The following NUCKS1 variants were observed in gnomAD, a reference collection of about 807,000 sequenced individuals.
NUCKS1 encodes the protein nuclear ubiquitous casein and cyclin-dependent kinase substrate 1.
A neutral mutation model predicts 33.0 loss-of-function variants in NUCKS1; 2 were observed. That is an observed-to-expected ratio of 0.06 (90% confidence interval 0.02 to 0.19). NUCKS1 has a LOEUF of 0.19. Among genes scored for constraint, NUCKS1 ranks in the 10% least tolerant of loss-of-function variants. The pLI, the probability that NUCKS1 is intolerant of heterozygous loss-of-function variation, is 1.00. For missense variants in NUCKS1, 201 were observed against 293.6 expected (o/e 0.68, Z 2.31); for synonymous variants, 106 against 102.8 (o/e 1.03, Z -0.19).
intron 2 of NUCKS1, among the ~76,000 whole-genome samples, chr1:205,728,884 C>T (rs902774386): frequency 6.6e-6 from 1 of 152,108 alleles, no homozygotes; most frequent in Non-Finnish European, 1.5e-5. Context: ...ATACAAGGCA[C>T]AAGTTTTATT....
At chr1:205,719,725 C>G (rs963600045) in intron 5 of NUCKS1, 49 bp from the exon 6 acceptor site, 1 of 1,572,040 alleles carries the variant, frequency 6.4e-7, no homozygotes, top group South Asian at 1.2e-5. Context: ...ACACATCCTT[C>G]CAAGTAAAAA....
chr1:205,715,661 T>C lies in NUCKS1; in HGVS notation c.*2619A>G, dbSNP rs1671809372. 6.6e-6 allele frequency: 1 copy of C among 152,210 alleles called. No homozygotes were observed. 9.4% of individuals were successfully genotyped at this position (152,210 alleles called of 1,614,324 possible). A position where few individuals can be genotyped will look rare whatever the true frequency, so the allele number is the denominator to read the frequency against. On this transcript the variant is annotated 3_prime_UTR_variant, in exon 7 of 7. Transcript: ENST00000367142. ...GTCAGCATAGCTGCTGAAATCTACG[T>C]TGTAGAGGTAAACCTAGCAGAGCTA...
At chr1:205,742,804 G>A (rs773525594) in intron 1 of NUCKS1, among the ~76,000 whole-genome samples, 4 of 152,092 alleles carry the variant, frequency 2.6e-5, no homozygotes, top group East Asian at 3.9e-4. Flanking sequence ...CAGCCTGGAG[G>A]ACAGAGCGAG....
chr1:205,744,102 A>C (rs1654250397), intron 1 of NUCKS1, among the ~76,000 whole-genome samples: 1 of 152,108 alleles, frequency 6.6e-6, no homozygotes, highest in Admixed American at 6.6e-5. Context: ...CTTCCTCCCT[A>C]GAAAATTAGG....
intron 4 of NUCKS1, among the ~76,000 whole-genome samples, chr1:205,721,929 C>T (rs1671925352): frequency 6.6e-6 from 1 of 152,100 alleles, no homozygotes; most frequent in South Asian, 2.1e-4. Flanking sequence ...CCTCCTTGGC[C>T]TCCCAAAGTG....
intron 1 of NUCKS1, among the ~76,000 whole-genome samples, chr1:205,745,741 C>CCAGA: frequency 6.6e-6 from 1 of 152,192 alleles, no homozygotes; most frequent in South Asian, 2.1e-4. Flanking sequence ...CTTAGCTCTG[C>CCAGA]TATCATAGCT....
At position 205,718,231 on chromosome 1, in the gene NUCKS1, T is replaced by C. The variant is rs1671861585; in HGVS notation, c.*49A>G. The C allele has an allele frequency of 1.2e-6, 1 of 850,460 alleles. No homozygotes were observed. Among genetic ancestry groups the C allele is most frequent in the Middle Eastern group, 3.1e-4 (1 of 3,242 alleles). 52.7% of individuals were successfully genotyped at this position (850,460 alleles called of 1,614,324 possible). On this transcript the variant is annotated 3_prime_UTR_variant, in exon 7 of 7. Transcript: ENST00000367142. ...TTTTTTTCCTCCCTCTTTTTTCTTTTTTTTTCTTTTTTTTTTTAATAAAAT... is the reference window on the plus strand; with the variant it reads ...TTTTTTTCCTCCCTCTTTTTTCTTTCTTTTTCTTTTTTTTTTTAATAAAAT...
intron 4 of NUCKS1, among the ~76,000 whole-genome samples, chr1:205,722,654 A>G (rs1280441841): frequency 1.3e-5 from 2 of 152,214 alleles, no homozygotes; most frequent in Non-Finnish European, 2.9e-5. Flanking sequence ...TGGCCTCCCA[A>G]AGTGCTGGGA....
At chr1:205,736,775 G>A (rs1182008249) in intron 1 of NUCKS1, among the ~76,000 whole-genome samples, 1 of 151,306 alleles carries the variant, frequency 6.6e-6, no homozygotes, top group Non-Finnish European at 1.5e-5. Flanking sequence ...AGTTTGCAGT[G>A]AGCCGAGATC....
chr1:205,741,330 G>GA (rs1215709415), intron 1 of NUCKS1, among the ~76,000 whole-genome samples: 8 of 143,256 alleles, frequency 5.6e-5, no homozygotes, highest in Admixed American at 2.1e-4. Context: ...GAAAAGAAAA[G>GA]AAAGAAAAAG....
chr1:205,719,517 C>T lies in NUCKS1; in HGVS notation c.532+10G>A, dbSNP rs1202809934. Reference sequence around the variant, plus strand: ...AGCAGTAAATTTAATTTCACTTCTGCAGAAATTACCTGTAGCCTTTAGTCT... The same window carrying T: ...AGCAGTAAATTTAATTTCACTTCTGTAGAAATTACCTGTAGCCTTTAGTCT... On this transcript the variant is annotated intron_variant, in intron 6 of 6. Transcript: ENST00000367142. 7.0e-6 allele frequency: 11 copies of T among 1,577,004 alleles called. No homozygotes were observed. The highest frequency in any genetic ancestry group is 9.4e-6 in the Non-Finnish European group (11 of 1,169,194).
intron 2 of NUCKS1, among the ~76,000 whole-genome samples, chr1:205,728,326 A>C (rs1653826464): frequency 2.7e-5 from 4 of 149,924 alleles, no homozygotes; most frequent in Admixed American, 2.0e-4. Context: ...ACACACACAC[A>C]TGCACACACA....
Position 205,728,620 on chromosome 1 carries a change from A to C in NUCKS1, c.68-815T>G, listed in dbSNP as rs182001689. On this transcript the variant is annotated intron_variant, in intron 2 of 6. Transcript: ENST00000367142. ...ACATATTATTTTTTTTCTCTTCTTC[A>C]TATCTTTCAGTATTTTCTAAGTCTT... 4.5e-4 allele frequency among the ~76,000 whole-genome samples: 68 copies of C among 152,248 alleles called. No individual in the cohort carries two copies. The East Asian group carries it at 9.4e-3, about 21-fold the overall frequency.
intron 1 of NUCKS1, among the ~76,000 whole-genome samples, chr1:205,745,435 G>A (rs1571590893): frequency 6.6e-6 from 1 of 152,172 alleles, no homozygotes; most frequent in South Asian, 2.1e-4. Context: ...GATGCAGTGA[G>A]CCTGTGATCG....
intron 1 of NUCKS1, among the ~76,000 whole-genome samples, chr1:205,749,550 G>A (rs1219360861): frequency 2.6e-5 from 4 of 151,930 alleles, no homozygotes; most frequent in African/African-American, 9.7e-5. Context: ...CCTCGCTGAA[G>A]GTGGGGAGTG....
Position 205,718,218 on chromosome 1 carries a change from CTCTTT to C in NUCKS1, c.*57_*61del. 2 of 1,502,480 alleles carry C rather than the reference CTCTTT, an allele frequency of 1.3e-6. No homozygotes were observed. The highest frequency in any genetic ancestry group is 1.8e-6 in the Non-Finnish European group (2 of 1,132,498). 93.1% of individuals were successfully genotyped at this position (1,502,480 alleles called of 1,614,324 possible). On this transcript the variant is annotated 3_prime_UTR_variant, in exon 7 of 7. Transcript: ENST00000367142. ...TTAAGTAGGTTCTTTTTTTTCCTCC[CTCTTT>C]TTTCTTTTTTTTTCTTTTTTTTTTT...
At chr1:205,738,533 G>C (rs975941940) in intron 1 of NUCKS1, among the ~76,000 whole-genome samples, 1 of 151,654 alleles carries the variant, frequency 6.6e-6, no homozygotes, top group African/African-American at 2.4e-5. Context: ...TTACAGGCAG[G>C]AATCACTACG....
rs369031111 is a variant in NUCKS1, at chr1:205,714,691, T to C, written c.*3589A>G. 5 of 152,188 alleles carry C rather than the reference T, an allele frequency of 3.3e-5. No individual in the cohort carries two copies. The East Asian group carries it at 5.8e-4, about 18-fold the overall frequency. 9.4% of individuals were successfully genotyped at this position (152,188 alleles called of 1,614,324 possible). A position where few individuals can be genotyped will look rare whatever the true frequency, so the allele number is the denominator to read the frequency against. ...TTCATCCACAGAGAAACAGACAATT[T>C]TCTAACCTCAAGAGCAACCAGCTTG... On this transcript the variant is annotated 3_prime_UTR_variant, in exon 7 of 7. Coordinates refer to ENST00000367142, the MANE Select transcript of NUCKS1 (RefSeq NM_022731.5).
intron 3 of NUCKS1, among the ~76,000 whole-genome samples, chr1:205,725,948 T>TC (rs1653764432): frequency 1.3e-5 from 2 of 152,094 alleles, no homozygotes; most frequent in South Asian, 4.1e-4. Context: ...TGCCTGTAAT[T>TC]CCAACACTTT....
Sources: gnomAD v4.1 joint callset for allele counts (sites outside exome capture counted in the v4.1 genomes callset) on GRCh38, gnomAD v4.1.1 for gene constraint, MANE v1.5 for transcripts, NCBI Gene and HGNC (gene_info 2026-07-23, HGNC 2026-07-21) for gene names.